The following PRELID2 variants were observed in gnomAD, a reference collection of about 807,000 sequenced individuals.
PRELID2 encodes PRELI domain containing 2.
In PRELID2, 25 loss-of-function variants were observed where a neutral mutation model predicts 28.4. That is an observed-to-expected ratio of 0.88 (90% CI 0.64 to 1.23). PRELID2 has a LOEUF of 1.23. Ranked by LOEUF, PRELID2 falls within the 50% of genes most tolerant of loss-of-function variation. The pLI is 0.00. For synonymous variants in PRELID2, 76 were observed against 71.6 expected (o/e 1.06, Z -0.31); for missense variants, 201 against 214.4 (o/e 0.94, Z 0.39).
chr5:145,564,430 T>C (rs1186024439), intron 1 of PRELID2, among the ~76,000 whole-genome samples: 1 of 152,154 alleles, frequency 6.6e-6, no homozygotes, highest in Non-Finnish European at 1.5e-5. Context: ...CCACTCACTT[T>C]TGCATGTGCT....
At chr5:145,641,499 A>G (rs1327897227) in intron 1 of PRELID2, among the ~76,000 whole-genome samples, 1 of 152,180 alleles carries the variant, frequency 6.6e-6, no homozygotes, top group East Asian at 1.9e-4. Flanking sequence ...GATACAGAGA[A>G]ATGGAGATTT....
chr5:145,327,496 A>G, the PRELID2 span, among the ~76,000 whole-genome samples: 1 of 152,040 alleles, frequency 6.6e-6, no homozygotes, highest in Non-Finnish European at 1.5e-5. Context: ...CTTTCAGCCT[A>G]TGTGTGTCCT....
At chr5:145,316,647 T>C in the PRELID2 span, among the ~76,000 whole-genome samples, 1 of 152,220 alleles carries the variant, frequency 6.6e-6, no homozygotes, top group Admixed American at 6.5e-5. Context: ...GTGAATTCTA[T>C]ATTTACTGAA....
intron 1 of PRELID2, among the ~76,000 whole-genome samples, chr5:145,618,421 G>C (rs1753730016): frequency 6.6e-6 from 1 of 152,148 alleles, no homozygotes. Flanking sequence ...GTGGCTTCCT[G>C]AGAGCCAAGC....
At chr5:145,367,898 C>G in the PRELID2 span, among the ~76,000 whole-genome samples, 1 of 152,008 alleles carries the variant, frequency 6.6e-6, no homozygotes, top group South Asian at 2.1e-4. Flanking sequence ...TATAAACATT[C>G]TTTTGCAAGT....
chr5:145,521,722 T>C (rs17477162), intron 1 of PRELID2, among the ~76,000 whole-genome samples: 32,772 of 152,092 alleles, frequency 0.22, 4,058 homozygotes, highest in South Asian at 0.38. Flanking sequence ...ACGCACTGTG[T>C]AGGGCAGAGA....
intron 1 of PRELID2, among the ~76,000 whole-genome samples, chr5:145,834,109 T>G (rs975249996): frequency 6.6e-6 from 1 of 152,128 alleles, no homozygotes; most frequent in Non-Finnish European, 1.5e-5. Flanking sequence ...TGAGGAAGAG[T>G]TCATTATCTG....
At chr5:145,561,002 T>C (rs1156779046) in intron 1 of PRELID2, among the ~76,000 whole-genome samples, 3 of 151,882 alleles carry the variant, frequency 2.0e-5, no homozygotes, top group Non-Finnish European at 4.4e-5. Context: ...AAAATAGGAC[T>C]GTTTCACTTT....
At chr5:145,279,595 A>C in the PRELID2 span, among the ~76,000 whole-genome samples, 1 of 152,218 alleles carries the variant, frequency 6.6e-6, no homozygotes, top group East Asian at 1.9e-4. Flanking sequence ...TCTAGTGCCT[A>C]AAATTAACAT....
chr5:145,280,938 C>A, the PRELID2 span, among the ~76,000 whole-genome samples: 1 of 152,000 alleles, frequency 6.6e-6, no homozygotes, highest in Non-Finnish European at 1.5e-5. Context: ...AGGGGAAATG[C>A]ATTTTTTTTA....
downstream of PRELID2, among the ~76,000 whole-genome samples, chr5:145,471,292 G>A (rs1752051057): frequency 6.6e-6 from 1 of 152,042 alleles, no homozygotes; most frequent in South Asian, 2.1e-4. Flanking sequence ...CCTTACTGCT[G>A]CACTGCTATT....
Position 145,514,672 on chromosome 5 carries a change from C to T in PRELID2, n.71-41357G>A, listed in dbSNP as rs139267487. ...CCTAATAGACATCTACAGAACTCTC[C>T]ACCCCAAATCAATAGCATATTCATT... On this transcript the variant is annotated intron_variant and non_coding_transcript_variant, in intron 1 of 2. Transcript: ENST00000510259. Among the ~76,000 whole-genome samples the T allele has an allele frequency of 4.8e-3, 730 of 152,236 alleles. 8 individuals carry two copies. Among genetic ancestry groups the T allele is most frequent in the African/African-American group, 0.016 (663 of 41,532 alleles).
chr5:145,829,055 T>TG lies in PRELID2; in HGVS notation c.76-5922dup, dbSNP rs751992481. Among the ~76,000 whole-genome samples, 1,416 of 151,242 alleles carry TG rather than the reference T, an allele frequency of 9.4e-3. 17 individuals carry two copies. Among genetic ancestry groups the TG allele is most frequent in the Non-Finnish European group, 0.012 (839 of 67,710 alleles). Reference sequence around the variant, plus strand: ...TCTGTGTGGTTTGGGGTTTTGTTGTTGTTGGTGGTGGTGGTGGTGGTGGTG... The same window carrying TG: ...TCTGTGTGGTTTGGGGTTTTGTTGTTGGTTGGTGGTGGTGGTGGTGGTGGTG... On this transcript the variant is annotated intron_variant, in intron 1 of 6. Coordinates refer to ENST00000683046, the MANE Select transcript of PRELID2 (RefSeq NM_205846.3).
the PRELID2 span, among the ~76,000 whole-genome samples, chr5:145,285,896 T>C: frequency 6.6e-6 from 1 of 152,190 alleles, no homozygotes; most frequent in Non-Finnish European, 1.5e-5. Context: ...TGAAAATGGC[T>C]CCACTCTACA....
At chr5:145,710,501 C>T (rs559980380) in intron 1 of PRELID2, among the ~76,000 whole-genome samples, 8 of 152,254 alleles carry the variant, frequency 5.3e-5, no homozygotes, top group African/African-American at 1.9e-4. Flanking sequence ...TTCTAGTTTA[C>T]CTACCAAATC....
At chr5:145,422,340 G>A in the PRELID2 span, among the ~76,000 whole-genome samples, 1 of 152,016 alleles carries the variant, frequency 6.6e-6, no homozygotes, top group African/African-American at 2.4e-5. Context: ...GGGTGTTAAA[G>A]TCTCCCATTA....
chr5:145,697,078 T>TAC (rs1172711688), intron 1 of PRELID2, among the ~76,000 whole-genome samples: 138 of 98,898 alleles, frequency 1.4e-3, no homozygotes, highest in African/African-American at 1.7e-3. Flanking sequence ...TATATATATA[T>TAC]ATACACACAC....
chr5:145,426,313 C>T, the PRELID2 span, among the ~76,000 whole-genome samples: 181 of 152,242 alleles, frequency 1.2e-3, 1 homozygote, highest in African/African-American at 4.0e-3. Flanking sequence ...GTTAAATTTT[C>T]ATCTCGGTGA....
chr5:145,415,851 G>A, the PRELID2 span, among the ~76,000 whole-genome samples: 29 of 151,820 alleles, frequency 1.9e-4, no homozygotes, highest in East Asian at 1.2e-3. Context: ...CTGAGGAATC[G>A]CCACACTGAC....
Sources: gnomAD v4.1 joint callset for allele counts (sites outside exome capture counted in the v4.1 genomes callset) on GRCh38, gnomAD v4.1.1 for gene constraint, MANE v1.5 for transcripts, NCBI Gene and HGNC (gene_info 2026-07-23, HGNC 2026-07-21) for gene names.